The following PCDH15 variants were observed in gnomAD, a reference collection of about 807,000 sequenced individuals.
The protein encoded by PCDH15 is protocadherin-15.
Under a neutral mutation model 178.5 loss-of-function variants are expected in PCDH15, and 129 were observed. That is an observed-to-expected ratio of 0.72 (90% confidence interval 0.63 to 0.84). PCDH15 has a LOEUF of 0.84. Among genes scored for constraint, PCDH15 ranks in the 40% least tolerant of loss-of-function variants. PCDH15 has a pLI of 0.00. For missense variants in PCDH15, 2,230 were observed against 2,099.9 expected (o/e 1.06, Z -1.21); for synonymous variants, 800 against 732.0 (o/e 1.09, Z -1.50).
chr10:54,148,911 A>C lies in PCDH15; in HGVS notation c.1784+4189T>G, dbSNP rs1451858465. On this transcript the variant is annotated intron_variant, in intron 14 of 37. Transcript: ENST00000644397. ...TTTTCTCACTTGACTTTCTAATTTA[A>C]AAGTCTTTCCAAGAATTCCTCCTAT... Among the ~76,000 whole-genome samples the C allele has an allele frequency of 2.0e-5, 3 of 151,996 alleles. No individual in the cohort carries two copies. In the South Asian group the frequency reaches 6.2e-4, roughly 32 times the overall value.
chr10:54,595,900 G>T (rs2092209636), intron 2 of PCDH15, among the ~76,000 whole-genome samples: 1 of 151,924 alleles, frequency 6.6e-6, no homozygotes, highest in South Asian at 2.1e-4. Context: ...AAATAAGATG[G>T]TCAGACAAGA....
intron 2 of PCDH15, among the ~76,000 whole-genome samples, chr10:55,383,168 G>T (rs951188213): frequency 1.3e-5 from 2 of 152,116 alleles, no homozygotes; most frequent in Non-Finnish European, 2.9e-5. Flanking sequence ...ATGGGAAGAA[G>T]GGGATCTTTT....
At chr10:54,067,292 C>T (rs2094153950) in intron 17 of PCDH15, among the ~76,000 whole-genome samples, 1 of 152,060 alleles carries the variant, frequency 6.6e-6, no homozygotes, top group Admixed American at 6.6e-5. Flanking sequence ...AAAAATAAAA[C>T]CAGTACATTA....
intron 2 of PCDH15, among the ~76,000 whole-genome samples, chr10:55,396,697 C>T (rs777458935): frequency 9.9e-5 from 15 of 152,180 alleles, no homozygotes; most frequent in Non-Finnish European, 1.3e-4. Flanking sequence ...GAAGCAGATA[C>T]TTTGTACATG....
chr10:54,925,041 T>C (rs1837582759), intron 2 of PCDH15, among the ~76,000 whole-genome samples: 1 of 152,200 alleles, frequency 6.6e-6, no homozygotes, highest in East Asian at 1.9e-4. Flanking sequence ...CTGCATGGTA[T>C]TGCCAAGGTT....
At chr10:55,024,134 T>G (rs1176319796) in intron 2 of PCDH15, among the ~76,000 whole-genome samples, 1 of 145,532 alleles carries the variant, frequency 6.9e-6, no homozygotes, top group Non-Finnish European at 1.5e-5. Flanking sequence ...TATATATATA[T>G]ATATAGGAAG....
At chr10:54,122,277 C>T (rs1477931703) in intron 15 of PCDH15, among the ~76,000 whole-genome samples, 1 of 151,966 alleles carries the variant, frequency 6.6e-6, no homozygotes, top group Middle Eastern at 3.2e-3. Flanking sequence ...CATATGATCA[C>T]CTCGAGAGAC....
At chr10:54,310,368 C>A (rs2060829830) in intron 8 of PCDH15, among the ~76,000 whole-genome samples, 1 of 151,984 alleles carries the variant, frequency 6.6e-6, no homozygotes, top group African/African-American at 2.4e-5. Context: ...TAGAGTATGT[C>A]TTTAAATAGA....
At chr10:54,408,555 C>T (rs1484480874) in intron 3 of PCDH15, among the ~76,000 whole-genome samples, 1 of 152,112 alleles carries the variant, frequency 6.6e-6, no homozygotes, top group African/African-American at 2.4e-5. Flanking sequence ...GATGTGACAG[C>T]ATGTGACAAG....
At chr10:53,840,707 A>G (rs752649481) in intron 28 of PCDH15, among the ~76,000 whole-genome samples, 1 of 152,234 alleles carries the variant, frequency 6.6e-6, no homozygotes, top group Admixed American at 6.5e-5. Flanking sequence ...TACGGTAGAA[A>G]AGGTCACCAA....
chr10:54,521,012 TG>T (rs2082796088), intron 3 of PCDH15, among the ~76,000 whole-genome samples: 1 of 131,664 alleles, frequency 7.6e-6, no homozygotes, highest in Admixed American at 9.4e-5. Context: ...AATTGAACAA[TG>T]AGAACACATG....
intron 2 of PCDH15, among the ~76,000 whole-genome samples, chr10:54,622,628 ATATATATTATATAATTATATATATAC>A (rs2093400800): frequency 7.5e-5 from 3 of 39,764 alleles, no homozygotes; most frequent in Admixed American, 4.2e-4. Context: ...AATATATATA[ATATATATTATATAATTATATATATAC>A]TATATAATAT....
intron 1 of PCDH15, among the ~76,000 whole-genome samples, chr10:55,313,928 T>C (rs1205865612): frequency 2.6e-5 from 4 of 152,070 alleles, no homozygotes; most frequent in African/African-American, 4.8e-5. Flanking sequence ...GTAGACAGTG[T>C]AGGGGATCAG....
chr10:55,604,720 A>T (rs1370950677), intron 2 of PCDH15, among the ~76,000 whole-genome samples: 571 of 122,984 alleles, frequency 4.6e-3, no homozygotes, highest in South Asian at 8.0e-3. Flanking sequence ...ACAACATACC[A>T]GAATCTCTGG....
At chr10:54,359,666 ATATACT>A (rs1399373620) in intron 5 of PCDH15, among the ~76,000 whole-genome samples, 6 of 152,046 alleles carry the variant, frequency 3.9e-5, no homozygotes, top group Admixed American at 6.6e-5. Context: ...ATTTAATAAG[ATATACT>A]TATAGAATGA....
chr10:55,081,253 G>A (rs1313034730), intron 2 of PCDH15, among the ~76,000 whole-genome samples: 1 of 152,096 alleles, frequency 6.6e-6, no homozygotes, highest in Non-Finnish European at 1.5e-5. Context: ...TCTAGTTGAC[G>A]TATGATTATC....
At chr10:54,192,531 C>G (rs928185015) in intron 11 of PCDH15, among the ~76,000 whole-genome samples, 2 of 152,000 alleles carry the variant, frequency 1.3e-5, no homozygotes, top group African/African-American at 4.8e-5. Flanking sequence ...TTGCATAGCA[C>G]AATAAAACAT....
At chr10:54,291,969 T>G (rs2059442715) in intron 8 of PCDH15, among the ~76,000 whole-genome samples, 1 of 152,196 alleles carries the variant, frequency 6.6e-6, no homozygotes, top group African/African-American at 2.4e-5. Flanking sequence ...TAACTCATTT[T>G]ACGAGGCCAG....
intron 2 of PCDH15, among the ~76,000 whole-genome samples, chr10:55,073,615 G>A (rs531316935): frequency 7.8e-4 from 118 of 152,136 alleles, no homozygotes; most frequent in African/African-American, 2.5e-3. Flanking sequence ...TTTCTTTCTC[G>A]TTGTGCCTTT....
Sources: gnomAD v4.1 joint callset for allele counts (sites outside exome capture counted in the v4.1 genomes callset) on GRCh38, gnomAD v4.1.1 for gene constraint, MANE v1.5 for transcripts, NCBI Gene and HGNC (gene_info 2026-07-23, HGNC 2026-07-21) for gene names.